The following HHAT variants were observed in gnomAD, a reference collection of about 807,000 sequenced individuals.
HHAT encodes protein-cysteine N-palmitoyltransferase HHAT.
Under a neutral mutation model 70.8 loss-of-function variants are expected in HHAT, and 47 were observed. The observed-to-expected ratio is 0.66, with a 90% CI of 0.53 to 0.85. The LOEUF (loss-of-function observed/expected upper bound fraction) is 0.85. Ranked by LOEUF, HHAT falls within the 40% of genes least tolerant of loss-of-function variation. The pLI is 0.00. For synonymous variants in HHAT, 228 were observed against 247.6 expected (o/e 0.92, Z 0.74); for missense variants, 609 against 604.8 (o/e 1.01, Z -0.07).
chr1:210,348,822 A>G (rs923335844), intron 1 of HHAT, 111 bp from the exon 2 acceptor site: 2 of 1,101,264 alleles, frequency 1.8e-6, no homozygotes, highest in Non-Finnish European at 2.5e-6. Context: ...TTATGTCTGT[A>G]TCACCTTGAA....
intron 3 of HHAT, chr1:210,374,024 G>T (rs887086253): frequency 1.3e-5 from 2 of 152,200 alleles, no homozygotes; most frequent in East Asian, 3.8e-4. Flanking sequence ...CTTTGACATG[G>T]AAAACAAGAG....
At chr1:210,665,261 A>G (rs57937741) in intron 11 of HHAT, among the ~76,000 whole-genome samples, 2,383 of 152,360 alleles carry the variant, frequency 0.016, 58 homozygotes, top group East Asian at 0.066. Flanking sequence ...GTTCCAACCT[A>G]ATATATCCTT....
chr1:210,514,347 A>G (rs1369770423), intron 9 of HHAT, among the ~76,000 whole-genome samples: 1 of 152,200 alleles, frequency 6.6e-6, no homozygotes, highest in East Asian at 1.9e-4. Flanking sequence ...TCTTCGACAC[A>G]GCAAGGATAA....
At chr1:210,623,907 T>G (rs1284929778) in intron 11 of HHAT, among the ~76,000 whole-genome samples, 1 of 152,184 alleles carries the variant, frequency 6.6e-6, no homozygotes, top group African/African-American at 2.4e-5. Flanking sequence ...CACCAAAAGG[T>G]ATTATTCCAA....
intron 9 of HHAT, among the ~76,000 whole-genome samples, chr1:210,559,128 A>G (rs1296814145): frequency 6.6e-6 from 1 of 152,212 alleles, no homozygotes; most frequent in Non-Finnish European, 1.5e-5. Flanking sequence ...GGCAGAATCC[A>G]TATGCCTAGG....
At chr1:210,598,910 C>T (rs1377580946) in intron 10 of HHAT, among the ~76,000 whole-genome samples, 3 of 152,158 alleles carry the variant, frequency 2.0e-5, no homozygotes, top group African/African-American at 7.2e-5. Flanking sequence ...ATTGCTTCAC[C>T]TCCCACTTCT....
chr1:210,466,605 G>C (rs1481154297), intron 8 of HHAT, among the ~76,000 whole-genome samples: 2 of 152,092 alleles, frequency 1.3e-5, no homozygotes, highest in East Asian at 1.9e-4. Context: ...CCCCTAAAAG[G>C]CTTCTCCCAT....
At position 210,396,638 on chromosome 1, in the gene HHAT, A is replaced by G. The variant is rs538229864; in HGVS notation, c.274-3830A>G. Among the ~76,000 whole-genome samples, 55 of 152,340 alleles carry G rather than the reference A, an allele frequency of 3.6e-4. No individual in the cohort carries two copies. In the Middle Eastern group the frequency reaches 0.01, roughly 28 times the overall value. On this transcript the variant is annotated intron_variant, in intron 4 of 11. Transcript: ENST00000261458. The stretch of plus-strand genomic sequence containing the variant: ...CTTATTTTTACACAAAAATCTATGC[A>G]TGTGTGTTTGCATAAGTTTTATTTG...
At chr1:210,572,737 T>C (rs545607967) in intron 9 of HHAT, among the ~76,000 whole-genome samples, 33 of 150,612 alleles carry the variant, frequency 2.2e-4, no homozygotes, top group African/African-American at 7.1e-4. Context: ...CTAAAATATA[T>C]AAAAAAAAAT....
At chr1:210,666,311 C>T (rs556984812) in intron 11 of HHAT, among the ~76,000 whole-genome samples, 2 of 152,236 alleles carry the variant, frequency 1.3e-5, no homozygotes, top group African/African-American at 4.8e-5. Context: ...AGCAGCCTTC[C>T]CACTGCTGAA....
At chr1:210,455,126 G>A (rs533340172) in intron 7 of HHAT, among the ~76,000 whole-genome samples, 89 of 152,282 alleles carry the variant, frequency 5.8e-4, no homozygotes, top group African/African-American at 2.0e-3. Context: ...GACCTTGACC[G>A]AGACCACCTC....
At chr1:210,328,149 C>G (rs909885153), upstream of HHAT, 3 of 152,174 alleles carry the variant, frequency 2.0e-5, no homozygotes, top group Admixed American at 6.5e-5. Flanking sequence ...CTGCCATGGA[C>G]AGTCTGATGC....
In HHAT at chr1:210,489,550, C is replaced by T. The variant is rs148291041; in HGVS notation, c.1008-23603C>T. On this transcript the variant is annotated intron_variant, in intron 8 of 11. Transcript: ENST00000261458. ...CCCCACGTTGTTATTATTTTTGCAG[C>T]CTCCTCCAAGTAGCTTGTCAGTTCC... 3.9e-5 allele frequency among the ~76,000 whole-genome samples: 6 copies of T among 152,320 alleles called. No homozygotes were observed. The East Asian group carries it at 1.2e-3, about 29-fold the overall frequency.
intron 10 of HHAT, among the ~76,000 whole-genome samples, chr1:210,613,926 G>A (rs941516469): frequency 2.0e-5 from 3 of 151,490 alleles, no homozygotes; most frequent in African/African-American, 7.3e-5. Context: ...AGGCTGAGGT[G>A]GGAGGATTGC....
chr1:210,555,867 TGAG>T (rs538267593), intron 9 of HHAT, among the ~76,000 whole-genome samples: 50 of 152,254 alleles, frequency 3.3e-4, no homozygotes, highest in Non-Finnish European at 6.5e-4. Flanking sequence ...TTAAGCCCTG[TGAG>T]GAGAAGTGGG....
intron 9 of HHAT, among the ~76,000 whole-genome samples, chr1:210,567,697 G>A (rs148013012): frequency 6.6e-6 from 1 of 152,194 alleles, no homozygotes; most frequent in Non-Finnish European, 1.5e-5. Flanking sequence ...GCATAGATTA[G>A]AAAATTTATG....
chr1:210,364,573 G>A (rs1048321107), intron 3 of HHAT, among the ~76,000 whole-genome samples: 1 of 152,240 alleles, frequency 6.6e-6, no homozygotes, highest in East Asian at 1.9e-4. Context: ...AGTGAACACA[G>A]GGTCAGGCCC....
intron 10 of HHAT, among the ~76,000 whole-genome samples, chr1:210,600,413 A>G (rs1400748902): frequency 6.6e-6 from 1 of 152,160 alleles, no homozygotes; most frequent in Non-Finnish European, 1.5e-5. Flanking sequence ...GTATTGGGGG[A>G]CTATCTTACT....
intron 6 of HHAT, among the ~76,000 whole-genome samples, chr1:210,413,699 A>G (rs1011056085): frequency 6.6e-6 from 1 of 152,202 alleles, no homozygotes; most frequent in African/African-American, 2.4e-5. Flanking sequence ...TTCAGTTTTC[A>G]ATACCATGTT....
Sources: allele counts gnomAD v4.1 joint callset (sites outside exome capture counted in the v4.1 genomes callset), GRCh38; gene constraint gnomAD v4.1.1; transcripts MANE v1.5; gene names NCBI Gene and HGNC (gene_info 2026-07-23, HGNC 2026-07-21).